GATAD2B: variants seen among roughly 807,000 people sequenced by gnomAD.
The protein encoded by GATAD2B is GATA zinc finger domain containing 2B, also known as transcriptional repressor p66-beta.
Under a neutral mutation model 64.3 loss-of-function variants are expected in GATAD2B, and 8 were observed. The observed-to-expected ratio is 0.12, with a 90% confidence interval of 0.07 to 0.22. The LOEUF (loss-of-function observed/expected upper bound fraction) is 0.22, where lower values mean the gene tolerates loss of function less well. Ranked by LOEUF, GATAD2B falls within the 10% of genes least tolerant of loss-of-function variation. The pLI is 1.00. For synonymous variants in GATAD2B, 281 were observed against 271.3 expected, an observed-to-expected ratio of 1.04 and a Z score of -0.35; for missense variants, 453 against 752.0, an observed-to-expected ratio of 0.60 and a Z score of 4.65.
At chr1:153,922,111 G>T in intron 1 of GATAD2B, 1 of 152,232 alleles carries the variant, frequency 6.6e-6, no homozygotes, top group Non-Finnish European at 1.5e-5. Context: ...AGCGAACGGT[G>T]GACGACGAAA....
chr1:153,879,762 C>CA (rs71093298), intron 1 of GATAD2B, among the ~76,000 whole-genome samples: 12,854 of 80,996 alleles, frequency 0.16, 1,166 homozygotes, highest in East Asian at 0.47. Context: ...ACACTGTCTA[C>CA]AAAAAAAAAA....
intron 1 of GATAD2B, among the ~76,000 whole-genome samples, chr1:153,848,121 A>G (rs1675753302): frequency 6.6e-6 from 1 of 152,210 alleles, no homozygotes; most frequent in Non-Finnish European, 1.5e-5. Context: ...CCAACTTGGT[A>G]TAGTATTTCT....
At chr1:153,896,593 C>T (rs1427571552) in intron 1 of GATAD2B, among the ~76,000 whole-genome samples, 2 of 152,044 alleles carry the variant, frequency 1.3e-5, no homozygotes, top group Non-Finnish European at 2.9e-5. Context: ...TGCACCACCA[C>T]ACCCAGCTAA....
At chr1:153,882,233 G>T (rs907197129) in intron 1 of GATAD2B, among the ~76,000 whole-genome samples, 5 of 151,912 alleles carry the variant, frequency 3.3e-5, no homozygotes, top group Non-Finnish European at 4.4e-5. Flanking sequence ...CTCAAATCAT[G>T]ATGCTTTAAC....
At chr1:153,871,071 TTTTTTG>T (rs1437593448) in intron 1 of GATAD2B, among the ~76,000 whole-genome samples, 1 of 151,130 alleles carries the variant, frequency 6.6e-6, no homozygotes, top group African/African-American at 2.4e-5. Context: ...GTGTTTTTTG[TTTTTTG>T]TTTTTTTTTG....
chr1:153,842,541 TTAA>T (rs10603206), intron 1 of GATAD2B, among the ~76,000 whole-genome samples: 62,240 of 151,874 alleles, frequency 0.41, 13,862 homozygotes, highest in Non-Finnish European at 0.52. Flanking sequence ...CATGTAATCA[TTAA>T]TAATATATAG....
chr1:153,890,315 C>T (rs1214291624), intron 1 of GATAD2B, among the ~76,000 whole-genome samples: 1 of 151,464 alleles, frequency 6.6e-6, no homozygotes, highest in Non-Finnish European at 1.5e-5. Context: ...AGTGAGACCC[C>T]GTCTCTCCTA....
At chr1:153,896,935 G>T (rs910709631) in intron 1 of GATAD2B, among the ~76,000 whole-genome samples, 2 of 151,962 alleles carry the variant, frequency 1.3e-5, no homozygotes, top group Non-Finnish European at 2.9e-5. Flanking sequence ...CATTTTTGAA[G>T]GATCTTTTCA....
At chr1:153,895,570 A>AC (rs1157264779) in intron 1 of GATAD2B, among the ~76,000 whole-genome samples, 2 of 151,840 alleles carry the variant, frequency 1.3e-5, no homozygotes, top group African/African-American at 4.8e-5. Context: ...ACAGAGTGAG[A>AC]CCCCGTCTCC....
intron 1 of GATAD2B, among the ~76,000 whole-genome samples, chr1:153,888,639 A>C (rs1021792926): frequency 1.3e-5 from 2 of 152,226 alleles, no homozygotes; most frequent in African/African-American, 4.8e-5. Flanking sequence ...AACTGTTATC[A>C]ACTAAGTGCC....
At chr1:153,900,662 C>T (rs898486645) in intron 1 of GATAD2B, among the ~76,000 whole-genome samples, 3 of 152,078 alleles carry the variant, frequency 2.0e-5, no homozygotes, top group South Asian at 2.1e-4. Context: ...CAACTACAGG[C>T]GTGTGCCATC....
At chr1:153,811,885 A>G (rs1401814692) in intron 9 of GATAD2B, 37 bp from the exon 10 acceptor site, 3 of 1,423,208 alleles carry the variant, frequency 2.1e-6, no homozygotes, top group Admixed American at 1.8e-5. Context: ...CAACTTTGAT[A>G]TGATAGAATG....
At chr1:153,872,759 C>G (rs1408965113) in intron 1 of GATAD2B, among the ~76,000 whole-genome samples, 1 of 152,124 alleles carries the variant, frequency 6.6e-6, no homozygotes, top group Non-Finnish European at 1.5e-5. Context: ...AGTAAAAATG[C>G]TGTTCTATGA....
At chr1:153,920,629 C>G (rs146025588) in intron 1 of GATAD2B, among the ~76,000 whole-genome samples, 1 of 152,278 alleles carries the variant, frequency 6.6e-6, no homozygotes, top group East Asian at 1.9e-4. Context: ...GAAGGCAAAC[C>G]ACAGTGTCAT....
chr1:153,852,601 C>T lies in GATAD2B; in HGVS notation c.-1-24253G>A. The T allele has an allele frequency of 3.8e-6, 3 of 780,342 alleles. No homozygotes were observed. The South Asian group carries it at 4.0e-5, about 10-fold the overall frequency. 48.3% of individuals were successfully genotyped at this position (780,342 alleles called of 1,614,324 possible). A position where few individuals can be genotyped will look rare whatever the true frequency, so the allele number is the denominator to read the frequency against. ...TGAGCATCCTGAATTTTCTGATTGG[C>T]ACTATGCACACTCTTCCTGGCAAAT... On this transcript the variant is annotated intron_variant, in intron 1 of 10. Coordinates refer to ENST00000368655, the MANE Select transcript of GATAD2B (RefSeq NM_020699.4).
Position 153,828,105 on chromosome 1 carries a change from C to T in GATAD2B, c.243G>A (p.Gly81=). Reference sequence around the variant, plus strand: ...TGTTGTCTCCATGAGGCCTGAGATTCCCGTTAAGTTTTTCTTCATAGCCCT... The same window carrying T: ...TGTTGTCTCCATGAGGCCTGAGATTTCCGTTAAGTTTTTCTTCATAGCCCT... ...GVKGYEEKLN[G]NLRPHGDNRT... Residue 81 remains glycine (G), a synonymous_variant, in exon 2 of 11, where the codon GGG becomes GGA. Transcript: ENST00000368655. The T allele has an allele frequency of 6.2e-7, 1 of 1,614,126 alleles. No homozygotes were observed. The highest frequency in any genetic ancestry group is 8.5e-7 in the Non-Finnish European group (1 of 1,180,006).
chr1:153,849,683 T>C lies in GATAD2B; in HGVS notation c.-1-21335A>G, dbSNP rs953486576. 2.0e-5 allele frequency among the ~76,000 whole-genome samples: 3 copies of C among 152,178 alleles called. No individual in the cohort carries two copies. The South Asian group carries it at 6.2e-4, about 31-fold the overall frequency. On this transcript the variant is annotated intron_variant, in intron 1 of 10. Coordinates refer to ENST00000368655, the MANE Select transcript of GATAD2B (RefSeq NM_020699.4). ...TTTCACTCTTTCACCCAGGCTGCAGTACAGTGGCGTGATCTTGGCTCACTG... is the reference window on the plus strand; with the variant it reads ...TTTCACTCTTTCACCCAGGCTGCAGCACAGTGGCGTGATCTTGGCTCACTG...
Position 153,819,660 on chromosome 1 carries a change from A to G in GATAD2B, c.411T>C (p.Arg137=), listed in dbSNP as rs779452619. Residue 137 remains arginine (R), a synonymous_variant, in exon 3 of 11, where the codon CGT becomes CGC. Transcript: ENST00000368655. The part of the protein sequence containing the change: ...VLSDNEASSP[R]SSSRMEERLK... ...GTCTTTCTTCCATTCTGGAACTGGA[A>G]CGGGGACTGGAAGCCTCATTGTCAG... is the stretch of plus-strand genomic sequence containing the variant. 1.9e-6 allele frequency: 3 copies of G among 1,611,614 alleles called. No homozygotes were observed. Among genetic ancestry groups the G allele is most frequent in the East Asian group, 4.5e-5 (2 of 44,780 alleles).
chr1:153,885,494 G>A (rs1210297778), intron 1 of GATAD2B, among the ~76,000 whole-genome samples: 1 of 152,058 alleles, frequency 6.6e-6, no homozygotes, highest in Non-Finnish European at 1.5e-5. Context: ...GGCAGAGGCA[G>A]GTGGATCATC....
Sources: allele counts gnomAD v4.1 joint callset (sites outside exome capture counted in the v4.1 genomes callset), GRCh38; gene constraint gnomAD v4.1.1; transcripts MANE v1.5; gene names NCBI Gene and HGNC (gene_info 2026-07-23, HGNC 2026-07-21).